The following NBL1 variants were observed in gnomAD, a reference collection of about 807,000 sequenced individuals.
The protein encoded by NBL1 is neuroblastoma suppressor of tumorigenicity 1.
In NBL1, 9 loss-of-function variants were observed where a neutral mutation model predicts 16.0. The observed-to-expected ratio is 0.56, with a 90% CI of 0.34 to 0.98. The LOEUF (loss-of-function observed/expected upper bound fraction) is 0.98. NBL1 is among the 50% of genes least tolerant of loss of function. The pLI, the probability that NBL1 is intolerant of heterozygous loss-of-function variation, is 0.02. For missense variants in NBL1, 196 were observed against 243.1 expected, an observed-to-expected ratio of 0.81 and a Z score of 1.29; for synonymous variants, 86 against 100.7, an observed-to-expected ratio of 0.85 and a Z score of 0.87.
chr1:19,649,529 T>C (rs1432266481), intron 1 of NBL1, among the ~76,000 whole-genome samples: 1 of 151,902 alleles, frequency 6.6e-6, no homozygotes, highest in Non-Finnish European at 1.5e-5. Flanking sequence ...CGGCTAGTTT[T>C]TGTATTTTTA....
chr1:19,653,501 G>A (rs370222405), intron 1 of NBL1, among the ~76,000 whole-genome samples: 5 of 152,128 alleles, frequency 3.3e-5, no homozygotes, highest in African/African-American at 9.7e-5. Flanking sequence ...CTGACTGAGC[G>A]CATAGCTGCC....
intron 1 of NBL1, chr1:19,646,167 G>C: frequency 9.1e-7 from 1 of 1,095,460 alleles, no homozygotes; most frequent in Non-Finnish European, 1.3e-6. Context: ...GCTCTCCCCA[G>C]TGCTGAAGGA....
At chr1:19,645,019 C>T (rs1489285905) in intron 1 of NBL1, among the ~76,000 whole-genome samples, 1 of 152,216 alleles carries the variant, frequency 6.6e-6, no homozygotes, top group Non-Finnish European at 1.5e-5. Context: ...GCTTTTCTCT[C>T]CCTCTCTCTG....
intron 3 of NBL1, among the ~76,000 whole-genome samples, chr1:19,656,445 G>A (rs1003599087): frequency 1.3e-5 from 2 of 151,676 alleles, no homozygotes; most frequent in African/African-American, 4.8e-5. Flanking sequence ...GGAACAGCAT[G>A]TGCGGAGTCC....
In NBL1 at chr1:19,658,054, C is replaced by T. The variant is rs2095065702; in HGVS notation, c.*925C>T. 1 of 152,680 alleles carries T rather than the reference C, an allele frequency of 6.5e-6. No homozygotes were observed. Among genetic ancestry groups the T allele is most frequent in the South Asian group, 2.1e-4 (1 of 4,828 alleles). The allele number at this position is 152,680 out of a possible 1,614,324, so 9.5% of individuals were successfully genotyped here. ...GGGAGTGAGGGGTTACCTCCCTCGC[C>T]CCAAGGTTCCAGAGGCCCTAGGCGG... is the stretch of plus-strand genomic sequence containing the variant. On this transcript the variant is annotated 3_prime_UTR_variant, in exon 4 of 4. Coordinates refer to ENST00000375136, the MANE Select transcript of NBL1 (RefSeq NM_005380.8).
At chr1:19,643,696 C>T (rs942161159), upstream of NBL1, 30 of 1,169,166 alleles carry the variant, frequency 2.6e-5, no homozygotes, top group Non-Finnish European at 3.1e-5. The surrounding 1 kb of genome is among the most constrained non-coding windows in gnomAD (Gnocchi z 4.7). Flanking sequence ...AAGCCAAGGG[C>T]GTGGGGCCGA....
chr1:19,645,296 C>G, intron 1 of NBL1: 2 of 919,874 alleles, frequency 2.2e-6, no homozygotes, highest in South Asian at 5.0e-5. Flanking sequence ...ATTCCACCCC[C>G]GCGAGGCCGG....
chr1:19,645,303 C>T (rs2094971953), intron 1 of NBL1: 1 of 941,510 alleles, frequency 1.1e-6, no homozygotes, highest in Non-Finnish European at 1.3e-6. Context: ...CCCCGCGAGG[C>T]CGGCTGGACG....
intron 1 of NBL1, among the ~76,000 whole-genome samples, chr1:19,648,403 G>A (rs1477170205): frequency 6.6e-6 from 1 of 152,226 alleles, no homozygotes; most frequent in Non-Finnish European, 1.5e-5. Flanking sequence ...CAGGTGCCCA[G>A]GCCGTGCCTC....
At chr1:19,646,013 T>C in intron 1 of NBL1, 7 of 1,550,286 alleles carry the variant, frequency 4.5e-6, no homozygotes, top group Non-Finnish European at 5.2e-6. Flanking sequence ...TGTTTTTCGT[T>C]TGCGGGCAGG....
upstream of NBL1, chr1:19,643,794 C>A (rs1171501160): frequency 5.9e-6 from 6 of 1,011,498 alleles, no homozygotes; most frequent in African/African-American, 6.9e-5. The surrounding 1 kb of genome is among the most constrained non-coding windows in gnomAD (Gnocchi z 4.7). Flanking sequence ...CCGGAGCGGA[C>A]GGGATGAGGT....
chr1:19,654,519 C>T (rs2095045089), intron 1 of NBL1, among the ~76,000 whole-genome samples: 2 of 152,090 alleles, frequency 1.3e-5, no homozygotes, highest in Non-Finnish European at 2.9e-5. Context: ...TGTGGCCAGC[C>T]CCTCCAGGGC....
chr1:19,648,905 G>A (rs2095003379), intron 1 of NBL1, among the ~76,000 whole-genome samples: 1 of 152,122 alleles, frequency 6.6e-6, no homozygotes, highest in Non-Finnish European at 1.5e-5. Context: ...GGTCAGCCAT[G>A]GCCACAAGAC....
At chr1:19,643,323 C>A, upstream of NBL1, 2 of 1,613,964 alleles carry the variant, frequency 1.2e-6, no homozygotes, top group East Asian at 2.2e-5. This position sits in a 1 kb window ranked among gnomAD's most constrained non-coding sequence, Gnocchi z 4.7. Context: ...TGCCCGGCAA[C>A]CTCATGAGTC....
intron 1 of NBL1, among the ~76,000 whole-genome samples, chr1:19,649,784 C>T (rs951516287): frequency 1.3e-5 from 2 of 152,144 alleles, no homozygotes; most frequent in Non-Finnish European, 2.9e-5. Context: ...ACCTCAGCCT[C>T]CCAAGTAGCT....
upstream of NBL1, chr1:19,644,175 G>T (rs1340465886): frequency 4.1e-6 from 4 of 980,114 alleles, no homozygotes; most frequent in Non-Finnish European, 4.8e-6. The surrounding 1 kb of genome is among the most constrained non-coding windows in gnomAD (Gnocchi z 4.6). Flanking sequence ...CTGCGCACCC[G>T]GAGGGAGAGG....
In NBL1 at chr1:19,648,176, C is replaced by T. The variant is rs115748095; in HGVS notation, c.-20+3730C>T. On this transcript the variant is annotated intron_variant, in intron 1 of 3. Coordinates refer to ENST00000375136, the MANE Select transcript of NBL1 (RefSeq NM_005380.8). Reference sequence around the variant, plus strand: ...CTAATCCACTCTACAAAGGGTTTCACGGTGGGCGGGAGTCAGGAAGAAGTA... The same window carrying T: ...CTAATCCACTCTACAAAGGGTTTCATGGTGGGCGGGAGTCAGGAAGAAGTA... Among the ~76,000 whole-genome samples the T allele has an allele frequency of 6.5e-3, 986 of 152,166 alleles. 16 individuals are homozygous for T. The highest frequency in any genetic ancestry group is 0.022 in the African/African-American group (917 of 41,512).
At chr1:19,647,925 TTTC>T (rs1354737650) in intron 1 of NBL1, among the ~76,000 whole-genome samples, 1 of 151,828 alleles carries the variant, frequency 6.6e-6, no homozygotes, top group Non-Finnish European at 1.5e-5. Flanking sequence ...GGATGTACAT[TTTC>T]TTGTGCATAT....
Position 19,655,082 on chromosome 1 carries a change from G to T in NBL1, c.52G>T (p.Ala18Ser), listed in dbSNP as rs2095048487. 6.2e-7 allele frequency: 1 copy of T among 1,612,894 alleles called. No homozygotes were observed. The highest frequency in any genetic ancestry group is 8.5e-7 in the Non-Finnish European group (1 of 1,179,948). Residue 18 changes from alanine (A) to serine (S), a missense_variant, in exon 2 of 4, where the codon GCC (alanine) becomes TCC (serine). Ala to Ser is a moderately conservative substitution (Grantham distance 99). Coordinates refer to ENST00000375136, the MANE Select transcript of NBL1 (RefSeq NM_005380.8). ...GAVLPAMLLA[A>S]PPPINKLALF... ...TGTCCTCCCTGCCATGCTACTGGCT[G>T]CCCCACCACCCATCAACAAGCTGGC...
Sources: gnomAD v4.1 joint callset for allele counts (sites outside exome capture counted in the v4.1 genomes callset) on GRCh38, gnomAD v4.1.1 for gene constraint, Gnocchi (gnomAD v3.1) non-coding constraint, MANE v1.5 for transcripts, NCBI Gene and HGNC (gene_info 2026-07-23, HGNC 2026-07-21) for gene names.